IGFL2: variants seen among roughly 807,000 people sequenced by gnomAD.
IGFL2 encodes the protein insulin growth factor-like family member 2.
A neutral mutation model predicts 13.9 loss-of-function variants in IGFL2; 7 were observed. The observed-to-expected ratio is 0.51, with a 90% CI of 0.29 to 0.95. The LOEUF (loss-of-function observed/expected upper bound fraction) is 0.95, where lower values mean the gene tolerates loss of function less well. Ranked by LOEUF, IGFL2 falls within the 40% of genes least tolerant of loss-of-function variation. The pLI is 0.08. For synonymous variants in IGFL2, 55 were observed against 55.8 expected, an observed-to-expected ratio of 0.99 and a Z score of 0.07; for missense variants, 138 against 147.8, an observed-to-expected ratio of 0.93 and a Z score of 0.34.
intron 1 of IGFL2, among the ~76,000 whole-genome samples, chr19:46,158,392 G>A (rs1019402518): frequency 1.3e-5 from 2 of 151,996 alleles, no homozygotes; most frequent in African/African-American, 4.8e-5. Flanking sequence ...TGTATTTTTA[G>A]TAGAGATGGG....
the IGFL2 span, among the ~76,000 whole-genome samples, chr19:46,105,409 G>A: frequency 6.6e-6 from 1 of 152,204 alleles, no homozygotes; most frequent in South Asian, 2.1e-4. Flanking sequence ...CTAGTGATTG[G>A]TGATTAGGCT....
At chr19:46,162,621 G>A (rs1414511055), downstream of IGFL2, among the ~76,000 whole-genome samples, 2 of 152,118 alleles carry the variant, frequency 1.3e-5, no homozygotes, top group Non-Finnish European at 2.9e-5. Flanking sequence ...TGAAATTCTT[G>A]TGTTGTGTTA....
the IGFL2 span, chr19:46,124,629 G>C: frequency 6.2e-7 from 1 of 1,609,080 alleles, no homozygotes; most frequent in Non-Finnish European, 8.5e-7. Flanking sequence ...ACTTGCCCAA[G>C]ATGCAGCATC....
At chr19:46,184,563 C>G in the IGFL2 span, among the ~76,000 whole-genome samples, 2 of 152,176 alleles carry the variant, frequency 1.3e-5, no homozygotes, top group Non-Finnish European at 2.9e-5. Context: ...ATGATGGTTT[C>G]CAGCTTCATC....
chr19:46,134,242 A>G, the IGFL2 span, among the ~76,000 whole-genome samples: 4 of 152,278 alleles, frequency 2.6e-5, no homozygotes, highest in East Asian at 3.9e-4. Context: ...ACTATTAGCA[A>G]TGAGGTAGTG....
At chr19:46,166,343 T>A in the IGFL2 span, among the ~76,000 whole-genome samples, 1 of 151,818 alleles carries the variant, frequency 6.6e-6, no homozygotes, top group African/African-American at 2.4e-5. Flanking sequence ...AACCAGCAAG[T>A]TTTTATTAGG....
At chr19:46,160,297 C>A in intron 1 of IGFL2, 118 bp from the exon 2 acceptor site, 1 of 850,204 alleles carries the variant, frequency 1.2e-6, no homozygotes. Flanking sequence ...AGTTCCAAAC[C>A]CAAGCCTTTA....
chr19:46,186,676 A>G, the IGFL2 span, among the ~76,000 whole-genome samples: 3 of 152,246 alleles, frequency 2.0e-5, no homozygotes, highest in Non-Finnish European at 4.4e-5. Context: ...AGATATTACA[A>G]GAAGGAAGGC....
the IGFL2 span, among the ~76,000 whole-genome samples, chr19:46,081,359 A>G: frequency 6.6e-6 from 1 of 152,214 alleles, no homozygotes; most frequent in African/African-American, 2.4e-5. Context: ...GCTTCCTCTA[A>G]TGTTGCATAG....
upstream of IGFL2, among the ~76,000 whole-genome samples, chr19:46,146,709 A>AT (rs554047667): frequency 3.3e-5 from 5 of 152,004 alleles, no homozygotes; most frequent in East Asian, 1.9e-4. Flanking sequence ...TGTAAATGGC[A>AT]TTTTTTTTCT....
the IGFL2 span, among the ~76,000 whole-genome samples, chr19:46,183,740 TG>T: frequency 6.6e-6 from 1 of 152,138 alleles, no homozygotes; most frequent in Admixed American, 6.5e-5. Flanking sequence ...TTCATGATGT[TG>T]GCCAGGCTGG....
the IGFL2 span, among the ~76,000 whole-genome samples, chr19:46,130,428 G>T: frequency 3.3e-5 from 5 of 152,054 alleles, no homozygotes; most frequent in Non-Finnish European, 7.4e-5. Context: ...AAATATTTTA[G>T]TTCCCCCAGC....
chr19:46,161,249 G>A lies in IGFL2; in HGVS notation c.*161G>A. ...GACTGATGGGACATGGAGAATGACA[G>A]TAGATTATCAGGAAATAAATAAAGT... On this transcript the variant is annotated 3_prime_UTR_variant, in exon 4 of 4. Transcript: ENST00000377693. The A allele has an allele frequency of 1.8e-6, 1 of 551,410 alleles. No individual in the cohort carries two copies. Among genetic ancestry groups the A allele is most frequent in the Non-Finnish European group, 3.3e-6 (1 of 307,038 alleles). 34.2% of individuals were successfully genotyped at this position (551,410 alleles called of 1,614,324 possible).
the IGFL2 span, chr19:46,136,936 C>A: frequency 2.8e-6 from 3 of 1,087,322 alleles, no homozygotes; most frequent in East Asian, 4.7e-5. Context: ...AGAGAGGTGT[C>A]TGTAAAGTTG....
the IGFL2 span, among the ~76,000 whole-genome samples, chr19:46,105,746 A>G: frequency 1.3e-5 from 2 of 152,182 alleles, no homozygotes; most frequent in African/African-American, 4.8e-5. Context: ...AAGGCCTCTA[A>G]AAGTATTAGA....
chr19:46,160,270 A>G, intron 1 of IGFL2, 145 bp from the exon 2 acceptor site: 2 of 690,514 alleles, frequency 2.9e-6, no homozygotes, highest in South Asian at 3.5e-5. Flanking sequence ...TGTGTCAGTT[A>G]GATCCTATGC....
At chr19:46,122,970 TA>T in the IGFL2 span, among the ~76,000 whole-genome samples, 2 of 150,456 alleles carry the variant, frequency 1.3e-5, no homozygotes, top group African/African-American at 4.9e-5. Flanking sequence ...CTTTCCAGGG[TA>T]AAAAAAATGA....
chr19:46,178,572 A>G, the IGFL2 span, among the ~76,000 whole-genome samples: 13,646 of 152,112 alleles, frequency 0.09, 1,383 homozygotes, highest in African/African-American at 0.25. Flanking sequence ...CTAAAAAGAA[A>G]CATTTATCAT....
At chr19:46,170,081 A>G in the IGFL2 span, among the ~76,000 whole-genome samples, 2 of 152,100 alleles carry the variant, frequency 1.3e-5, no homozygotes, top group African/African-American at 4.8e-5. Context: ...CAAGGGCTCC[A>G]TGGCACCATA....
Sources: allele counts gnomAD v4.1 joint callset (sites outside exome capture counted in the v4.1 genomes callset), GRCh38; gene constraint gnomAD v4.1.1; transcripts MANE v1.5; gene names NCBI Gene and HGNC (gene_info 2026-07-23, HGNC 2026-07-21).